The following ARRB1 variants were observed in gnomAD, a reference collection of about 807,000 sequenced individuals.
ARRB1 encodes the protein arrestin beta 1, also known as beta-arrestin-1.
In ARRB1, 21 loss-of-function variants were observed where a neutral mutation model predicts 56.8. The observed-to-expected ratio is 0.37, with a 90% CI of 0.26 to 0.53. The LOEUF (loss-of-function observed/expected upper bound fraction) is 0.53, where lower values mean the gene tolerates loss of function less well. Ranked by LOEUF, ARRB1 falls within the 20% of genes least tolerant of loss-of-function variation. The pLI is 0.88. For missense variants in ARRB1, 424 were observed against 553.7 expected (o/e 0.77, Z 2.35); for synonymous variants, 210 against 218.6 (o/e 0.96, Z 0.35).
At chr11:75,303,763 A>G (rs1175333583) in intron 1 of ARRB1, 2 of 451,320 alleles carry the variant, frequency 4.4e-6, no homozygotes, top group African/African-American at 2.0e-5. Flanking sequence ...AGGCACCACC[A>G]GGCACCCAGC....
At chr11:75,322,044 G>A (rs1407597700) in intron 1 of ARRB1, among the ~76,000 whole-genome samples, 1 of 152,238 alleles carries the variant, frequency 6.6e-6, no homozygotes, top group Non-Finnish European at 1.5e-5. Flanking sequence ...AGTATATGGT[G>A]ACTCTCACAA....
chr11:75,343,909 G>A (rs57747141), intron 1 of ARRB1, among the ~76,000 whole-genome samples: 8,370 of 151,858 alleles, frequency 0.055, 790 homozygotes, highest in African/African-American at 0.19. Flanking sequence ...TCCGCCTCCC[G>A]GGTTCATGCT....
At chr11:75,289,547 A>G (rs1180734966) in intron 2 of ARRB1, among the ~76,000 whole-genome samples, 2 of 152,098 alleles carry the variant, frequency 1.3e-5, no homozygotes, top group Non-Finnish European at 1.5e-5. Context: ...TGGTGTCAGT[A>G]ATGTCTACCT....
chr11:75,300,876 G>A (rs1226420655), intron 1 of ARRB1, among the ~76,000 whole-genome samples: 1 of 148,418 alleles, frequency 6.7e-6, no homozygotes, highest in African/African-American at 2.6e-5. Flanking sequence ...GCTGAGGCAG[G>A]AGAATGGCGT....
intron 1 of ARRB1, chr11:75,306,849 C>T (rs889577188): frequency 7.5e-5 from 28 of 372,406 alleles, no homozygotes; most frequent in African/African-American, 4.0e-4. Flanking sequence ...TGTACACAGA[C>T]GGGCAGGGGG....
chr11:75,283,293 G>A lies in ARRB1; in HGVS notation c.348C>T (p.Thr116=). ...KKLGEHAYPF[T]FEIPPNLPCS... ...AGGGATGGCAGTTCCTGACCTCAAA[G>A]GTGAAAGGGTAAGCGTGCTCGCCCA... Residue 116 remains threonine (T), a synonymous_variant, in exon 5 of 16, where the codon ACC becomes ACT. Transcript: ENST00000420843. 2 of 1,604,204 alleles carry A rather than the reference G, an allele frequency of 1.2e-6. No homozygotes were observed. The highest frequency in any genetic ancestry group is 2.2e-5 in the South Asian group (2 of 89,842).
chr11:75,336,697 C>T (rs1283836105), intron 1 of ARRB1, among the ~76,000 whole-genome samples: 1 of 152,132 alleles, frequency 6.6e-6, no homozygotes, highest in Non-Finnish European at 1.5e-5. Flanking sequence ...GCCAAGGACA[C>T]ATTTATCTAC....
intron 1 of ARRB1, among the ~76,000 whole-genome samples, chr11:75,309,378 C>A (rs538152207): frequency 9.7e-4 from 148 of 152,376 alleles, no homozygotes; most frequent in African/African-American, 3.5e-3. Flanking sequence ...CAGGGCAAGG[C>A]CTGTGCTTGG....
rs775169722 is a variant in ARRB1, at chr11:75,283,391, C to T, written c.250G>A (p.Val84Ile). 46 of 1,614,028 alleles carry T rather than the reference C, an allele frequency of 2.9e-5. No individual in the cohort carries two copies. The highest frequency in any genetic ancestry group is 3.3e-5 in the Non-Finnish European group (39 of 1,179,996). ...TCGGGGGCCGGTGGGAACGACTGTA[C>T]GTTGGCCACAAACAGGTCCTTGCGA... ...TFRKDLFVAN[V>I]QSFPPAPEDK... Residue 84 changes from valine (V) to isoleucine (I), a missense_variant, in exon 5 of 16, where the codon GTA (valine) becomes ATA (isoleucine). Transcript: ENST00000420843.
intron 1 of ARRB1, among the ~76,000 whole-genome samples, chr11:75,298,386 G>A (rs1946814374): frequency 6.6e-6 from 1 of 152,150 alleles, no homozygotes; most frequent in Admixed American, 6.5e-5. Context: ...AATGGGCAAT[G>A]GATTTGTTTG....
At chr11:75,303,425 C>T (rs1445820582) in intron 1 of ARRB1, among the ~76,000 whole-genome samples, 5 of 152,190 alleles carry the variant, frequency 3.3e-5, no homozygotes, top group Non-Finnish European at 7.3e-5. Flanking sequence ...TTCACACAGT[C>T]CCAGCGTCAC....
intron 12 of ARRB1, 68 bp from the exon 13 acceptor site, chr11:75,271,792 A>C (rs1194036732): frequency 2.0e-6 from 3 of 1,492,918 alleles, no homozygotes; most frequent in Non-Finnish European, 2.7e-6. Flanking sequence ...AACAAAAAGC[A>C]CATTCATTCA....
chr11:75,295,941 T>A (rs1946733470), intron 1 of ARRB1, among the ~76,000 whole-genome samples: 1 of 152,096 alleles, frequency 6.6e-6, no homozygotes. Context: ...TCCCAACACT[T>A]TGGGAGGCTG....
chr11:75,329,136 C>A (rs1335593038), intron 1 of ARRB1, among the ~76,000 whole-genome samples: 1 of 146,878 alleles, frequency 6.8e-6, no homozygotes, highest in Non-Finnish European at 1.5e-5. Context: ...CTCTGTCACC[C>A]AGGCTGACAT....
At chr11:75,266,356 C>T (rs565423787) in intron 15 of ARRB1, 82 bp from the exon 16 acceptor site, 3 of 1,164,522 alleles carry the variant, frequency 2.6e-6, no homozygotes, top group African/African-American at 3.0e-5. Context: ...CCAGATGTGA[C>T]TCAGAGTATG....
Position 75,274,129 on chromosome 11 carries a change from G to C in ARRB1, c.859C>G (p.Leu287Val), listed in dbSNP as rs2140407924. 1 of 1,614,228 alleles carries C rather than the reference G, an allele frequency of 6.2e-7. No homozygotes were observed. Among genetic ancestry groups the C allele is most frequent in the East Asian group, 2.2e-5 (1 of 44,872 alleles). The change falls in exon 11 of 16, where the codon CTC becomes GTC. Residue 287 changes from leucine to valine, a missense_variant. Leu to Val is a conservative substitution (Grantham distance 32). This residue lies in a region of ARRB1 where 301 missense variants were observed against 387.9 expected (regional missense o/e 0.78). Transcript: ENST00000420843. ...TGCTTGAGCTTCCCGTCCAAGGCGA[G>C]GCCCCGCTTCTCTCGGTTATTGGCT... ...FLANNREKRGLALDGKLKHED... is the reference protein window; with the variant it reads ...FLANNREKRGVALDGKLKHED...
intron 1 of ARRB1, among the ~76,000 whole-genome samples, chr11:75,309,595 T>A (rs1947113296): frequency 6.6e-6 from 1 of 152,194 alleles, no homozygotes; most frequent in South Asian, 2.1e-4. Flanking sequence ...CATCTTGGCT[T>A]CAGCTGGCTT....
chr11:75,278,757 G>T lies in ARRB1; in HGVS notation c.483-13C>A, dbSNP rs1375386575. ...ACGCACAGAATTCCTAATGGAGATG[G>T]GCGGAGTGAAAGAGGACCAGGGTCA... On this transcript the variant is annotated splice_polypyrimidine_tract_variant and intron_variant, in intron 7 of 15. Coordinates refer to ENST00000420843, the MANE Select transcript of ARRB1 (RefSeq NM_004041.5). 1 of 1,598,900 alleles carries T rather than the reference G, an allele frequency of 6.3e-7. No individual in the cohort carries two copies. Among genetic ancestry groups the T allele is most frequent in the African/African-American group, 1.3e-5 (1 of 74,460 alleles).
At chr11:75,272,290 T>C (rs1946089429) in intron 12 of ARRB1, among the ~76,000 whole-genome samples, 1 of 152,218 alleles carries the variant, frequency 6.6e-6, no homozygotes, top group Non-Finnish European at 1.5e-5. Flanking sequence ...AGTAGTTTGT[T>C]TGTTTGTTTT....
Sources: allele counts gnomAD v4.1 joint callset (sites outside exome capture counted in the v4.1 genomes callset), GRCh38; gene constraint gnomAD v4.1.1; regional missense constraint gnomAD v4.1.1; transcripts MANE v1.5; gene names NCBI Gene and HGNC (gene_info 2026-07-23, HGNC 2026-07-21).